Variants in CSMD3 observed in about 807,000 individuals in gnomAD.
CSMD3 encodes CUB and sushi domain-containing protein 3.
Under a neutral mutation model 435.2 loss-of-function variants are expected in CSMD3, and 177 were observed. The observed-to-expected ratio is 0.41, with a 90% confidence interval of 0.36 to 0.46. CSMD3 has a LOEUF of 0.46. CSMD3 is among the 20% of genes least tolerant of loss of function. The pLI, the probability that CSMD3 is intolerant of heterozygous loss-of-function variation, is 0.34. For synonymous variants in CSMD3, 1,656 were observed against 1,520.5 expected (o/e 1.09, Z -2.07); for missense variants, 4,265 against 4,504.6 (o/e 0.95, Z 1.52).
intron 17 of CSMD3, among the ~76,000 whole-genome samples, chr8:112,664,624 C>T (rs1281542245): frequency 6.6e-6 from 1 of 152,050 alleles, no homozygotes; most frequent in Non-Finnish European, 1.5e-5. Flanking sequence ...AAATCTTAAT[C>T]CCTAGTAGTA....
intron 10 of CSMD3, among the ~76,000 whole-genome samples, chr8:112,892,588 T>C (rs1309253955): frequency 6.6e-6 from 1 of 151,536 alleles, no homozygotes; most frequent in Non-Finnish European, 1.5e-5. Context: ...GGAAAGTGCT[T>C]TATGGAAACA....
intron 22 of CSMD3, among the ~76,000 whole-genome samples, chr8:112,599,539 AAAT>A (rs574927951): frequency 3.4e-4 from 51 of 152,146 alleles, no homozygotes; most frequent in African/African-American, 1.2e-3. Flanking sequence ...AAAGGACTAT[AAAT>A]CATGCTGCTA....
intron 35 of CSMD3, among the ~76,000 whole-genome samples, chr8:112,395,469 C>CT (rs1322322909): frequency 6.6e-6 from 1 of 152,084 alleles, no homozygotes; most frequent in Non-Finnish European, 1.5e-5. Context: ...TCTTCATGAA[C>CT]TTTTTTTCCC....
intron 27 of CSMD3, among the ~76,000 whole-genome samples, chr8:112,541,900 C>T (rs1208096103): frequency 3.3e-5 from 5 of 151,888 alleles, no homozygotes; most frequent in African/African-American, 1.2e-4. Flanking sequence ...TACTAGCAAA[C>T]TAAATCCAAC....
At chr8:113,040,658 C>T (rs1290062433) in intron 5 of CSMD3, among the ~76,000 whole-genome samples, 1 of 151,972 alleles carries the variant, frequency 6.6e-6, no homozygotes, top group Admixed American at 6.6e-5. Flanking sequence ...GTGGAGAGCA[C>T]CATCAGATGT....
At chr8:112,435,468 A>G (rs908161673) in intron 32 of CSMD3, among the ~76,000 whole-genome samples, 2 of 152,068 alleles carry the variant, frequency 1.3e-5, no homozygotes, top group African/African-American at 4.8e-5. Context: ...TTTAACCATT[A>G]TATCACACTG....
chr8:112,471,716 C>T (rs1396633493), intron 32 of CSMD3, among the ~76,000 whole-genome samples: 1 of 152,150 alleles, frequency 6.6e-6, no homozygotes, highest in East Asian at 1.9e-4. Flanking sequence ...AGATGCTATT[C>T]AGCTATCTCT....
chr8:112,254,565 TA>T (rs1815608504), intron 62 of CSMD3, among the ~76,000 whole-genome samples: 1 of 152,066 alleles, frequency 6.6e-6, no homozygotes, highest in Admixed American at 6.6e-5. Flanking sequence ...CCTTCCGATA[TA>T]AAAGCACTTG....
intron 5 of CSMD3, among the ~76,000 whole-genome samples, chr8:113,063,045 C>A (rs1303776532): frequency 6.6e-6 from 1 of 151,046 alleles, no homozygotes; most frequent in African/African-American, 2.4e-5. Flanking sequence ...TGTTTACATA[C>A]ACATTTTTTA....
At chr8:112,623,549 T>A (rs1294856180) in intron 22 of CSMD3, among the ~76,000 whole-genome samples, 1 of 152,092 alleles carries the variant, frequency 6.6e-6, no homozygotes, top group African/African-American at 2.4e-5. Flanking sequence ...AGTTTTAGGG[T>A]ACATGTGCAC....
chr8:112,952,145 A>G (rs72682173), intron 8 of CSMD3, among the ~76,000 whole-genome samples: 3,366 of 151,182 alleles, frequency 0.022, 59 homozygotes, highest in South Asian at 0.031. Context: ...GAGTTCAGGT[A>G]TAAAAGCTGA....
At chr8:112,591,251 C>G (rs1232139066) in intron 22 of CSMD3, among the ~76,000 whole-genome samples, 2 of 151,918 alleles carry the variant, frequency 1.3e-5, no homozygotes, top group African/African-American at 4.8e-5. Flanking sequence ...AAACTCTTTG[C>G]TGAATATGAA....
chr8:112,802,908 C>T (rs931305083), intron 12 of CSMD3, among the ~76,000 whole-genome samples: 1 of 151,920 alleles, frequency 6.6e-6, no homozygotes, highest in African/African-American at 2.4e-5. Context: ...ACTCAAATCC[C>T]ATCAGGATTA....
chr8:113,400,646 T>C (rs1362156708), intron 1 of CSMD3, among the ~76,000 whole-genome samples: 3 of 151,900 alleles, frequency 2.0e-5, no homozygotes, highest in African/African-American at 7.2e-5. Flanking sequence ...GCAATAGCTA[T>C]CCAATTATTT....
In CSMD3 at chr8:112,228,853, G is replaced by A. The variant is rs1409090151; in HGVS notation, c.10867C>T (p.Pro3623Ser). 1 of 1,589,592 alleles carries A rather than the reference G, an allele frequency of 6.3e-7. No homozygotes were observed. The highest frequency in any genetic ancestry group is 1.3e-5 in the African/African-American group (1 of 74,160). The stretch of plus-strand genomic sequence containing the variant: ...ACAGAACTACTATTTGTACCATGAG[G>A]TTGATTTGAAGAATTTGAACCTTCT... ...MSEGSNSSNQ[P>S]HGTNSSSVAI... The change falls in exon 70 of 71, where the codon CCT becomes TCT. Residue 3623 changes from proline (P) to serine (S), a missense_variant. This residue lies in a region of CSMD3 where 3,255 missense variants were observed against 3,380.2 expected (regional missense o/e 0.96). Coordinates refer to ENST00000297405, the MANE Select transcript of CSMD3 (RefSeq NM_198123.2).
intron 56 of CSMD3, 28 bp from the exon 57 acceptor site, chr8:112,289,566 A>T (rs569049042): frequency 1.0e-4 from 152 of 1,458,078 alleles, no homozygotes; most frequent in African/African-American, 7.5e-4. Flanking sequence ...TAAATATAAA[A>T]TTTTTTTATA....
In CSMD3 at chr8:113,019,128, G is replaced by C. The variant is rs2131170801; in HGVS notation, c.969C>G (p.Leu323=). 6.2e-7 allele frequency: 1 copy of C among 1,613,778 alleles called. No individual in the cohort carries two copies. The highest frequency in any genetic ancestry group is 8.5e-7 in the Non-Finnish European group (1 of 1,179,790). ...PPPIISNKNW[L]RLHFVTDSNH... ...TGCTGTCTGTAACAAAATGCAGTCT[G>C]AGCCAGTTTTTGTTGCTGATAATTG... The change falls in exon 6 of 71, where the codon CTC becomes CTG. Residue 323 remains leucine, a synonymous_variant. Transcript: ENST00000297405.
intron 1 of CSMD3, among the ~76,000 whole-genome samples, chr8:113,326,878 T>C (rs1298236823): frequency 6.6e-6 from 1 of 152,094 alleles, no homozygotes; most frequent in Non-Finnish European, 1.5e-5. Flanking sequence ...GTCTTATATA[T>C]TATAGGAAAA....
intron 2 of CSMD3, among the ~76,000 whole-genome samples, chr8:113,294,737 A>T (rs192847105): frequency 6.6e-6 from 1 of 152,302 alleles, no homozygotes; most frequent in Non-Finnish European, 1.5e-5. Flanking sequence ...TATCATTTTA[A>T]GCTATTTGAC....
Sources: gnomAD v4.1 joint callset for allele counts (sites outside exome capture counted in the v4.1 genomes callset) on GRCh38, gnomAD v4.1.1 for gene constraint, gnomAD v4.1.1 regional missense constraint, MANE v1.5 for transcripts, NCBI Gene and HGNC (gene_info 2026-07-23, HGNC 2026-07-21) for gene names.